Variants in PCNX4 observed in about 807,000 individuals in gnomAD.
PCNX4 encodes the protein pecanex 4.
A neutral mutation model predicts 107.2 loss-of-function variants in PCNX4; 103 were observed. The ratio of observed to expected loss-of-function variants is 0.96; its 90% CI spans 0.82 to 1.13. PCNX4 has a LOEUF of 1.13. PCNX4 is among the 50% of genes most tolerant of loss of function. The probability of loss-of-function intolerance (pLI) is 0.00; values close to 1 mark genes in which losing one functional copy is unlikely to be tolerated. For synonymous variants in PCNX4, 541 were observed against 481.7 expected, an observed-to-expected ratio of 1.12 and a Z score of -1.61; for missense variants, 1,528 against 1,379.4, an observed-to-expected ratio of 1.11 and a Z score of -1.71.
At position 60,115,334 on chromosome 14, in the gene PCNX4, C is replaced by T. The variant is rs1895825501; in HGVS notation, c.1230C>T (p.Ser410=). 2 of 1,607,472 alleles carry T rather than the reference C, an allele frequency of 1.2e-6. No individual in the cohort carries two copies. The highest frequency in any genetic ancestry group is 3.4e-5 in the Admixed American group (2 of 59,374). Residue 410 remains serine (S), a synonymous_variant, in exon 4 of 11, where the codon AGC becomes AGT. Transcript: ENST00000406854. ...IILWILREIQ[S]VYIIGIFRNP... is the part of the protein sequence containing the mutation. The stretch of plus-strand genomic sequence containing the variant: ...TGTGGATACTTAGAGAAATTCAAAG[C>T]GTATATATCATTGGAATTTTCCGAA...
chr14:60,129,416 G>C (rs1566521067), intron 10 of PCNX4, among the ~76,000 whole-genome samples: 2 of 151,980 alleles, frequency 1.3e-5, no homozygotes, highest in Admixed American at 1.3e-4. Context: ...GCCAAGTGTG[G>C]TGGCGTGCAT....
rs531568285 is a variant in PCNX4, at chr14:60,144,045, AAGGT to A, written c.*9830_*9833del. On this transcript the variant is annotated 3_prime_UTR_variant, in exon 11 of 11. Transcript: ENST00000406854. ...CCTTGTTGGTCTTTCTTCATCTATC[AAGGT>A]AGGTAATACCATCTATCTTAGTGGG... 1 of 152,344 alleles carries A rather than the reference AAGGT, an allele frequency of 6.6e-6. No individual in the cohort carries two copies. Among genetic ancestry groups the A allele is most frequent in the South Asian group, 2.1e-4 (1 of 4,830 alleles). The allele number at this position is 152,344 out of a possible 1,614,324, so 9.4% of individuals were successfully genotyped here. A position where few individuals can be genotyped will look rare whatever the true frequency, so the allele number is the denominator to read the frequency against.
intron 1 of PCNX4, among the ~76,000 whole-genome samples, chr14:60,095,456 AGG>A (rs899065928): frequency 2.6e-5 from 4 of 152,192 alleles, no homozygotes; most frequent in Non-Finnish European, 4.4e-5. Flanking sequence ...GGCAAAATAT[AGG>A]GGAGGTGTGT....
rs1419426087 is a variant in PCNX4, at chr14:60,142,712, T to TGG, written c.*8492_*8493dup. 6.6e-6 allele frequency: 1 copy of TGG among 152,098 alleles called. No homozygotes were observed. Among genetic ancestry groups the TGG allele is most frequent in the Non-Finnish European group, 1.5e-5 (1 of 68,078 alleles). 9.4% of individuals were successfully genotyped at this position (152,098 alleles called of 1,614,324 possible). A position where few individuals can be genotyped will look rare whatever the true frequency, so the allele number is the denominator to read the frequency against. On this transcript the variant is annotated 3_prime_UTR_variant, in exon 11 of 11. Coordinates refer to ENST00000406854, the MANE Select transcript of PCNX4 (RefSeq NM_001330177.2). This position sits in a 1 kb window ranked among gnomAD's most constrained non-coding sequence, Gnocchi z 4.7. Reference sequence around the variant, plus strand: ...AATACCATACACAGGCCGGGAGCGGTGGCACTTTGGGAGGCCAGGGCGGGT... The same window carrying TGG: ...AATACCATACACAGGCCGGGAGCGGTGGGGCACTTTGGGAGGCCAGGGCGGGT...
intron 1 of PCNX4, 129 bp downstream of exon 1, chr14:60,092,548 A>G (rs1895324301): frequency 6.6e-6 from 1 of 152,264 alleles, no homozygotes; most frequent in Admixed American, 6.5e-5. Context: ...TTTCGTTGCA[A>G]AACCTTTAAG....
chr14:60,125,867 G>A, intron 10 of PCNX4, 44 bp downstream of exon 10: 1 of 1,278,884 alleles, frequency 7.8e-7, no homozygotes, highest in Non-Finnish European at 1.1e-6. Flanking sequence ...TAACCTTAAA[G>A]AATGGATATA....
Position 60,108,093 on chromosome 14 carries a change from G to T in PCNX4, c.455G>T (p.Gly152Val). ...TCTATTCTTGCTGGATTAGCGTGTG[G>T]TCTTGGAACATGGTATCTGCTCCCA... ...FHSILAGLAC[G>V]LGTWYLLPNR... is the part of the protein sequence containing the mutation. The change falls in exon 2 of 11, where the codon GGT becomes GTT. Residue 152 changes from glycine (G) to valine (V), a missense_variant. Coordinates refer to ENST00000406854, the MANE Select transcript of PCNX4 (RefSeq NM_001330177.2). The T allele has an allele frequency of 6.2e-7, 1 of 1,612,814 alleles. No individual in the cohort carries two copies. The highest frequency in any genetic ancestry group is 1.1e-5 in the South Asian group (1 of 91,084).
intron 6 of PCNX4, 149 bp downstream of exon 6, chr14:60,116,209 T>C: frequency 1.3e-6 from 1 of 756,962 alleles, no homozygotes; most frequent in Non-Finnish European, 2.0e-6. Flanking sequence ...TCAACTGTTA[T>C]TTCCCATTCC....
chr14:60,108,588 A>G (rs2140539837), intron 2 of PCNX4: 1 of 256,330 alleles, frequency 3.9e-6, no homozygotes, highest in Non-Finnish European at 7.9e-6. Flanking sequence ...TTCACTTTAA[A>G]TAAGGAGCTT....
Position 60,108,108 on chromosome 14 carries a change from A to G in PCNX4, c.470A>G (p.Tyr157Cys), listed in dbSNP as rs749352047. 6.8e-6 allele frequency: 11 copies of G among 1,612,726 alleles called. No individual in the cohort carries two copies. The highest frequency in any genetic ancestry group is 4.5e-5 in the East Asian group (2 of 44,890). The change falls in exon 2 of 11, where the codon TAT becomes TGT. Residue 157 changes from tyrosine (Y) to cysteine (C), a missense_variant. Physicochemically the swap from Tyr to Cys is radical, Grantham distance 194 (BLOSUM62 -2). Coordinates refer to ENST00000406854, the MANE Select transcript of PCNX4 (RefSeq NM_001330177.2). ...TTAGCGTGTGGTCTTGGAACATGGT[A>G]TCTGCTCCCAAATAGAATAACCTTG... The part of the protein sequence containing the change: ...AGLACGLGTW[Y>C]LLPNRITLLY...
In PCNX4 at chr14:60,141,177, A is replaced by G. The variant is rs1421468176; in HGVS notation, c.*6956A>G. On this transcript the variant is annotated 3_prime_UTR_variant, in exon 11 of 11. Transcript: ENST00000406854. ...CCTACATCCCAGGGAATACCTAGGA[A>G]GATAGCATATTAGAAATGAGGAAAG... 6.6e-6 allele frequency: 1 copy of G among 152,236 alleles called. No homozygotes were observed. The highest frequency in any genetic ancestry group is 1.5e-5 in the Non-Finnish European group (1 of 68,044). 9.4% of individuals were successfully genotyped at this position (152,236 alleles called of 1,614,324 possible).
chr14:60,116,226 C>G (rs571289845), intron 6 of PCNX4, among the ~76,000 whole-genome samples, 166 bp downstream of exon 6: 22 of 152,336 alleles, frequency 1.4e-4, no homozygotes, highest in African/African-American at 5.1e-4. Flanking sequence ...TTCCCCCTCT[C>G]CATCTCGCCT....
intron 1 of PCNX4, among the ~76,000 whole-genome samples, chr14:60,092,689 A>T (rs979839170): frequency 1.7e-4 from 26 of 152,324 alleles, no homozygotes; most frequent in African/African-American, 6.0e-4. Context: ...TACGAAATGG[A>T]ATATGGCACA....
At chr14:60,133,812 A>G in intron 10 of PCNX4, 158 bp from the exon 11 acceptor site, 1 of 711,062 alleles carries the variant, frequency 1.4e-6, no homozygotes, top group Non-Finnish European at 2.3e-6. Context: ...AATACAGGCA[A>G]CTTGTGTACA....
At chr14:60,094,064 A>G (rs146868945) in intron 1 of PCNX4, among the ~76,000 whole-genome samples, 78 of 152,270 alleles carry the variant, frequency 5.1e-4, no homozygotes, top group African/African-American at 1.7e-3. Context: ...ATTTCTCATT[A>G]TTGAATTGTA....
rs567936774 is a variant in PCNX4 at position 60,141,472 on chromosome 14, A to G, written c.*7251A>G. ...ACTATAAATCAGGCAGTCATTAAAAAGATAATGAGGAAATACTGTAACTTT... is the reference window on the plus strand; with the variant it reads ...ACTATAAATCAGGCAGTCATTAAAAGGATAATGAGGAAATACTGTAACTTT... On this transcript the variant is annotated 3_prime_UTR_variant, in exon 11 of 11. Transcript: ENST00000406854. 2 of 152,378 alleles carry G rather than the reference A, an allele frequency of 1.3e-5. No individual in the cohort carries two copies. Among genetic ancestry groups the G allele is most frequent in the East Asian group, 3.9e-4 (2 of 5,192 alleles). 9.4% of individuals were successfully genotyped at this position (152,378 alleles called of 1,614,324 possible).
rs2140560653 is a variant in PCNX4, at chr14:60,124,479, C to T, written c.2308C>T (p.Gln770Ter). 1 of 1,613,662 alleles carries T rather than the reference C, an allele frequency of 6.2e-7. No individual in the cohort carries two copies. Among genetic ancestry groups the T allele is most frequent in the African/African-American group, 1.3e-5 (1 of 74,992 alleles). ...LIKVLVWILVQYCSKRPGMKE... is the reference protein window; with the variant it reads ...LIKVLVWILV ...TAAAGTACTTGTGTGGATACTTGTT[C>T]AATACTGCTCCAAAAGGCCTGGCAT... Residue 770 changes from glutamine to a stop codon, truncating the protein, a stop_gained, in exon 9 of 11, where the codon CAA (glutamine) becomes TAA (stop). Transcript: ENST00000406854. LOFTEE classifies it high-confidence loss of function.
At chr14:60,119,869 G>A (rs888636648) in intron 7 of PCNX4, among the ~76,000 whole-genome samples, 3 of 152,122 alleles carry the variant, frequency 2.0e-5, no homozygotes, top group African/African-American at 7.2e-5. Context: ...GTATTGGCTA[G>A]GGCATGGGGA....
In PCNX4 at chr14:60,142,122, A is replaced by G. The variant is rs978223720; in HGVS notation, c.*7901A>G. On this transcript the variant is annotated 3_prime_UTR_variant, in exon 11 of 11. Transcript: ENST00000406854. The surrounding 1 kb of genome is among the most constrained non-coding windows in gnomAD (Gnocchi z 4.7). ...CGAGGGGAAATGATTACAAAAGGGC[A>G]AAGGGAAACTTCTGGGGCTGATATA... The G allele has an allele frequency of 6.6e-6, 1 of 152,232 alleles. No individual in the cohort carries two copies. Among genetic ancestry groups the G allele is most frequent in the Non-Finnish European group, 1.5e-5 (1 of 68,040 alleles). 9.4% of individuals were successfully genotyped at this position (152,232 alleles called of 1,614,324 possible). A position where few individuals can be genotyped will look rare whatever the true frequency, so the allele number is the denominator to read the frequency against.
Sources: allele counts gnomAD v4.1 joint callset (sites outside exome capture counted in the v4.1 genomes callset), GRCh38; gene constraint gnomAD v4.1.1; non-coding constraint Gnocchi (gnomAD v3.1); transcripts MANE v1.5; gene names NCBI Gene and HGNC (gene_info 2026-07-23, HGNC 2026-07-21).